TM9SF2: variants seen among roughly 807,000 people sequenced by gnomAD.
TM9SF2 encodes 76 kDa membrane protein.
In TM9SF2, 13 loss-of-function variants were observed where a neutral mutation model predicts 84.9. The ratio of observed to expected loss-of-function variants is 0.15; its 90% CI spans 0.10 to 0.24. The LOEUF (loss-of-function observed/expected upper bound fraction) is 0.24. Ranked by LOEUF, TM9SF2 falls within the 10% of genes least tolerant of loss-of-function variation. TM9SF2 has a pLI of 1.00. For missense variants in TM9SF2, 562 were observed against 818.5 expected, an observed-to-expected ratio of 0.69 and a Z score of 3.82; for synonymous variants, 273 against 285.8, an observed-to-expected ratio of 0.96 and a Z score of 0.45.
chr13:99,548,301 C>T (rs771110054), intron 11 of TM9SF2, among the ~76,000 whole-genome samples: 1 of 152,164 alleles, frequency 6.6e-6, no homozygotes, highest in Non-Finnish European at 1.5e-5. Context: ...TTATAGTAAA[C>T]CCAGAATTAA....
chr13:99,558,397 G>C (rs2046332506), intron 15 of TM9SF2, among the ~76,000 whole-genome samples: 1 of 152,178 alleles, frequency 6.6e-6, no homozygotes. Flanking sequence ...GATTACATTA[G>C]ATCTGTAGAT....
At chr13:99,508,443 A>ACACACACACACACCCC (rs1311954976) in intron 1 of TM9SF2, among the ~76,000 whole-genome samples, 2 of 147,448 alleles carry the variant, frequency 1.4e-5, no homozygotes, top group East Asian at 2.0e-4. Flanking sequence ...ACACACACAC[A>ACACACACACACACCCC]CCCCAGAGAT....
At chr13:99,561,587 A>C (rs898392083) in intron 16 of TM9SF2, among the ~76,000 whole-genome samples, 3 of 152,214 alleles carry the variant, frequency 2.0e-5, no homozygotes, top group African/African-American at 7.2e-5. Flanking sequence ...TGCTTTGCAT[A>C]TAGTAGGGCC....
At chr13:99,550,070 CTG>C (rs1317573777) in intron 12 of TM9SF2, among the ~76,000 whole-genome samples, 1 of 152,198 alleles carries the variant, frequency 6.6e-6, no homozygotes, top group African/African-American at 2.4e-5. Context: ...CTTACCAAGA[CTG>C]TGATTTCCTG....
At chr13:99,515,899 A>G in intron 1 of TM9SF2, among the ~76,000 whole-genome samples, 1 of 151,988 alleles carries the variant, frequency 6.6e-6, no homozygotes, top group East Asian at 1.9e-4. Context: ...CACCCGGCTA[A>G]TTTTGTATTT....
At position 99,539,546 on chromosome 13, in the gene TM9SF2, G is replaced by C; in HGVS notation, c.817G>C (p.Val273Leu). 6.3e-7 allele frequency: 1 copy of C among 1,599,992 alleles called. No homozygotes were observed. Among genetic ancestry groups the C allele is most frequent in the Non-Finnish European group, 8.6e-7 (1 of 1,167,194 alleles). The change falls in exon 7 of 17, where the codon GTT becomes CTT. Residue 273 changes from valine (V) to leucine (L), a missense_variant. Coordinates refer to ENST00000376387, the MANE Select transcript of TM9SF2 (RefSeq NM_004800.3). ...GEIKIAYTYS[V>L]SFEEDDKIRW... ...GATAAAAATTGCCTATACTTACTCT[G>C]TTAGCTTCGAGGTGAGTCTGTTGTT...
chr13:99,528,203 AACTAAAC>A (rs1487690061), intron 3 of TM9SF2, among the ~76,000 whole-genome samples: 1 of 152,202 alleles, frequency 6.6e-6, no homozygotes, highest in East Asian at 1.9e-4. Context: ...TAAAATTCCC[AACTAAAC>A]ACATGACAGG....
At chr13:99,505,364 G>A (rs535491457) in intron 1 of TM9SF2, among the ~76,000 whole-genome samples, 1 of 152,136 alleles carries the variant, frequency 6.6e-6, no homozygotes, top group South Asian at 2.1e-4. Flanking sequence ...CGTTGGCCAG[G>A]CTTGTCTCGA....
chr13:99,536,639 T>A lies in TM9SF2; in HGVS notation c.493T>A (p.Tyr165Asn). The A allele has an allele frequency of 6.2e-7, 1 of 1,613,810 alleles. No homozygotes were observed. The highest frequency in any genetic ancestry group is 8.5e-7 in the Non-Finnish European group (1 of 1,179,762). Residue 165 changes from tyrosine to asparagine, a missense_variant, in exon 5 of 17, where the codon TAC becomes AAC. Physicochemically the swap from Tyr to Asn is moderately radical, Grantham distance 143 (BLOSUM62 -2). Coordinates refer to ENST00000376387, the MANE Select transcript of TM9SF2 (RefSeq NM_004800.3). ...GGATAATATGCCTGTAACGTGGTGT[T>A]ACGATGTTGAAGATGGTCAGAGGTT... Reference protein sequence around the residue: ...IVDNMPVTWCYDVEDGQRFCN... With the variant: ...IVDNMPVTWCNDVEDGQRFCN...
intron 12 of TM9SF2, 33 bp from the exon 13 acceptor site, chr13:99,552,134 T>C (rs1251826846): frequency 1.2e-6 from 2 of 1,600,910 alleles, no homozygotes; most frequent in Non-Finnish European, 1.7e-6. Flanking sequence ...TTGTTATCTC[T>C]GGTTTTACCC....
At chr13:99,523,260 T>G (rs1214930597) in intron 3 of TM9SF2, among the ~76,000 whole-genome samples, 1 of 152,184 alleles carries the variant, frequency 6.6e-6, no homozygotes, top group African/African-American at 2.4e-5. Context: ...CAATAAATCC[T>G]CTCACCTCAG....
chr13:99,516,750 T>A (rs961869966), intron 1 of TM9SF2, among the ~76,000 whole-genome samples: 8 of 152,248 alleles, frequency 5.3e-5, no homozygotes, highest in Admixed American at 2.6e-4. Context: ...TTCAGTGTTC[T>A]TAAATTGATG....
rs73560213 is a variant in TM9SF2 at position 99,518,172 on chromosome 13, C to T, written c.239+491C>T. ...TATTGCCCAGGCTCAAGTACAGTGG[C>T]GCAATCTTGGCTTGCTGCAACCTCT... On this transcript the variant is annotated intron_variant, in intron 2 of 16. Coordinates refer to ENST00000376387, the MANE Select transcript of TM9SF2 (RefSeq NM_004800.3). Among the ~76,000 whole-genome samples the T allele has an allele frequency of 8.4e-3, 1,282 of 152,272 alleles. 16 individuals carry two copies. Among genetic ancestry groups the T allele is most frequent in the African/African-American group, 0.03 (1,242 of 41,552 alleles).
intron 13 of TM9SF2, among the ~76,000 whole-genome samples, chr13:99,554,004 A>G (rs1328102406): frequency 6.6e-6 from 1 of 152,202 alleles, no homozygotes; most frequent in Non-Finnish European, 1.5e-5. Flanking sequence ...TTTATTAACT[A>G]TTATTTTCCA....
chr13:99,502,338 T>C (rs949098206), intron 1 of TM9SF2, among the ~76,000 whole-genome samples: 5 of 152,234 alleles, frequency 3.3e-5, no homozygotes, highest in African/African-American at 9.6e-5. Flanking sequence ...CAATTAGAAG[T>C]TGGTTCCTTA....
At chr13:99,547,804 A>C (rs1349224187) in intron 11 of TM9SF2, among the ~76,000 whole-genome samples, 1 of 152,168 alleles carries the variant, frequency 6.6e-6, no homozygotes, top group Non-Finnish European at 1.5e-5. Context: ...TGGGATATAC[A>C]GTGATTCCCC....
chr13:99,509,715 C>T (rs1217257372), intron 1 of TM9SF2, among the ~76,000 whole-genome samples: 2 of 152,210 alleles, frequency 1.3e-5, no homozygotes, highest in Admixed American at 1.3e-4. Context: ...GTGGGAGGGG[C>T]TGCTGCAAAG....
At chr13:99,530,080 CAAA>C (rs36003040) in intron 4 of TM9SF2, among the ~76,000 whole-genome samples, 1 of 134,076 alleles carries the variant, frequency 7.5e-6, no homozygotes, top group African/African-American at 2.7e-5. Context: ...TTATTGCTTA[CAAA>C]AAAAAAAAAG....
intron 16 of TM9SF2, among the ~76,000 whole-genome samples, chr13:99,559,932 A>G (rs901277185): frequency 9.9e-5 from 15 of 152,014 alleles, no homozygotes; most frequent in African/African-American, 3.6e-4. Flanking sequence ...TGAGGCTGAG[A>G]GTAGGTAGGG....
Sources: gnomAD v4.1 joint callset for allele counts (sites outside exome capture counted in the v4.1 genomes callset) on GRCh38, gnomAD v4.1.1 for gene constraint, MANE v1.5 for transcripts, NCBI Gene and HGNC (gene_info 2026-07-23, HGNC 2026-07-21) for gene names.